The following CLIP1 variants were observed in gnomAD, a reference collection of about 807,000 sequenced individuals.
CLIP1 encodes CAP-Gly domain containing linker protein 1, also known as CAP-Gly domain-containing linker protein 1.
In CLIP1, 66 loss-of-function variants were observed where a neutral mutation model predicts 161.6. The observed-to-expected ratio is 0.41, with a 90% CI of 0.33 to 0.50. CLIP1 has a LOEUF of 0.50. Among genes scored for constraint, CLIP1 ranks in the 20% least tolerant of loss-of-function variants. CLIP1 has a pLI of 0.27. For missense variants in CLIP1, 1,376 were observed against 1,702.0 expected, an observed-to-expected ratio of 0.81 and a Z score of 3.37; for synonymous variants, 598 against 626.2, an observed-to-expected ratio of 0.96 and a Z score of 0.67.
chr12:122,351,938 CTAAT>C (rs748911631), intron 8 of CLIP1, among the ~76,000 whole-genome samples: 7 of 151,996 alleles, frequency 4.6e-5, no homozygotes, highest in Non-Finnish European at 7.4e-5. Flanking sequence ...TTTTGCTCTG[CTAAT>C]TACTTTTTTA....
At chr12:122,282,209 C>T (rs780682848) in intron 21 of CLIP1, among the ~76,000 whole-genome samples, 13 of 152,218 alleles carry the variant, frequency 8.5e-5, no homozygotes, top group Non-Finnish European at 1.8e-4. Context: ...GACCTATTGT[C>T]ATTGCTAGCT....
chr12:122,357,371 C>T lies in CLIP1; in HGVS notation c.1006-2059G>A, dbSNP rs575450296. Among the ~76,000 whole-genome samples the T allele has an allele frequency of 2.6e-4, 40 of 151,364 alleles. No homozygotes were observed. In the East Asian group the frequency reaches 7.3e-3, roughly 28 times the overall value. On this transcript the variant is annotated intron_variant, in intron 5 of 25. Transcript: ENST00000620786. ...GAGACCCTCCGCCTGGCAACCGCCC[C>T]GTCTGAGAAGTGAGGAGCCCCTCCG... is the stretch of plus-strand genomic sequence containing the variant.
chr12:122,315,113 A>G (rs1207982566), intron 19 of CLIP1, among the ~76,000 whole-genome samples: 1 of 152,228 alleles, frequency 6.6e-6, no homozygotes, highest in African/African-American at 2.4e-5. Context: ...CTCCCCGAAG[A>G]ACCACACATG....
chr12:122,384,590 C>T (rs945908726), intron 1 of CLIP1, among the ~76,000 whole-genome samples: 1 of 151,776 alleles, frequency 6.6e-6, no homozygotes, highest in Non-Finnish European at 1.5e-5. Flanking sequence ...GGTGAAACCC[C>T]GCCTCTACTA....
At chr12:122,376,498 GCT>G (rs1245398524) in intron 3 of CLIP1, among the ~76,000 whole-genome samples, 1 of 151,964 alleles carries the variant, frequency 6.6e-6, no homozygotes, top group African/African-American at 2.4e-5. Flanking sequence ...ACAGAGTCTC[GCT>G]CTGTCTCCTA....
At chr12:122,377,329 C>G in intron 3 of CLIP1, 60 bp downstream of exon 3, 1 of 1,461,730 alleles carries the variant, frequency 6.8e-7, no homozygotes, top group East Asian at 2.3e-5. Flanking sequence ...GTATTTCAAC[C>G]ACTCACTGGT....
In CLIP1 at chr12:122,357,671, C is replaced by T. The variant is rs952706371; in HGVS notation, c.1006-2359G>A. ...AGCCCCTCTGCCCGGCCAGCCGCCC[C>T]GTCCGGGAGGGAGATGGGGGGGTCA... On this transcript the variant is annotated intron_variant, in intron 5 of 25. Coordinates refer to ENST00000620786, the MANE Select transcript of CLIP1 (RefSeq NM_001247997.2). Among the ~76,000 whole-genome samples the T allele has an allele frequency of 3.3e-5, 5 of 149,304 alleles. 1 individual carries two copies. In the East Asian group the frequency reaches 6.1e-4, roughly 18 times the overall value.
intron 20 of CLIP1, among the ~76,000 whole-genome samples, chr12:122,307,264 C>T (rs1224795490): frequency 6.6e-6 from 1 of 152,038 alleles, no homozygotes; most frequent in Non-Finnish European, 1.5e-5. Context: ...GCCTCGGCCT[C>T]CCAAAATGCT....
intron 20 of CLIP1, among the ~76,000 whole-genome samples, chr12:122,302,472 C>T (rs749373457): frequency 1.2e-4 from 19 of 152,034 alleles, no homozygotes; most frequent in Non-Finnish European, 2.8e-4. Flanking sequence ...TTATTTTGGA[C>T]CAATTTTTCC....
chr12:122,398,943 A>C (rs993644566), intron 1 of CLIP1, among the ~76,000 whole-genome samples: 1 of 16,994 alleles, frequency 5.9e-5, no homozygotes, highest in African/African-American at 1.4e-4. Flanking sequence ...CCAGATATCC[A>C]AAAAAAAAAA....
At chr12:122,328,758 T>C (rs1951811986) in intron 15 of CLIP1, among the ~76,000 whole-genome samples, 1 of 152,148 alleles carries the variant, frequency 6.6e-6, no homozygotes, top group South Asian at 2.1e-4. Flanking sequence ...CTTTTTTGTA[T>C]TTTTAGTAGA....
At chr12:122,336,386 T>C (rs567595784) in intron 12 of CLIP1, among the ~76,000 whole-genome samples, 49 of 140,956 alleles carry the variant, frequency 3.5e-4, no homozygotes, top group African/African-American at 1.3e-3. Flanking sequence ...TTCAAAGCAG[T>C]GCGTTACCAA....
intron 21 of CLIP1, among the ~76,000 whole-genome samples, chr12:122,285,865 T>A (rs372602165): frequency 6.1e-4 from 92 of 151,324 alleles, no homozygotes; most frequent in South Asian, 3.4e-3. Context: ...GTTTTTTTTT[T>A]AAAAAAGAAA....
chr12:122,378,622 T>C (rs977556670), intron 2 of CLIP1, among the ~76,000 whole-genome samples: 2 of 152,226 alleles, frequency 1.3e-5, no homozygotes, highest in African/African-American at 4.8e-5. Flanking sequence ...CCCGCCACCC[T>C]GCACATCATG....
chr12:122,286,986 A>G (rs889669758), intron 21 of CLIP1, among the ~76,000 whole-genome samples: 1 of 152,108 alleles, frequency 6.6e-6, no homozygotes, highest in Non-Finnish European at 1.5e-5. Context: ...CGACAGAGCG[A>G]GAGTCTGCCT....
chr12:122,370,242 G>A (rs1227387209), intron 3 of CLIP1, among the ~76,000 whole-genome samples: 1 of 151,366 alleles, frequency 6.6e-6, no homozygotes, highest in Non-Finnish European at 1.5e-5. Flanking sequence ...AGAAAGGGGT[G>A]TGAGAAGGAC....
Position 122,321,572 on chromosome 12 carries a change from G to A in CLIP1, c.3250-2224C>T, listed in dbSNP as rs539162571. Among the ~76,000 whole-genome samples the A allele has an allele frequency of 2.6e-4, 39 of 152,154 alleles. 1 individual carries two copies. The South Asian group carries it at 8.1e-3, about 32-fold the overall frequency. ...CTCGCTCTGTCAACCAGGCTGGAGTGCAATGGCATGATCTCGGTTTCCTGC... is the reference window on the plus strand; with the variant it reads ...CTCGCTCTGTCAACCAGGCTGGAGTACAATGGCATGATCTCGGTTTCCTGC... On this transcript the variant is annotated intron_variant, in intron 17 of 25. Transcript: ENST00000620786.
intron 1 of CLIP1, among the ~76,000 whole-genome samples, chr12:122,384,862 A>T (rs977282010): frequency 6.6e-6 from 1 of 150,556 alleles, no homozygotes; most frequent in Non-Finnish European, 1.5e-5. Flanking sequence ...CACAAAGAAG[A>T]TACCTAAATT....
intron 3 of CLIP1, among the ~76,000 whole-genome samples, chr12:122,371,020 A>C (rs1954426413): frequency 2.0e-5 from 3 of 152,212 alleles, no homozygotes; most frequent in Non-Finnish European, 4.4e-5. Context: ...TAAAATGCAG[A>C]ATATTTATTC....
Sources: gnomAD v4.1 joint callset for allele counts (sites outside exome capture counted in the v4.1 genomes callset) on GRCh38, gnomAD v4.1.1 for gene constraint, MANE v1.5 for transcripts, NCBI Gene and HGNC (gene_info 2026-07-23, HGNC 2026-07-21) for gene names.